ANKS1B: variants seen among roughly 807,000 people sequenced by gnomAD.
ANKS1B encodes the protein ankyrin repeat and sterile alpha motif domain-containing protein 1B.
Under a neutral mutation model 148.3 loss-of-function variants are expected in ANKS1B, and 36 were observed. The observed-to-expected ratio is 0.24, with a 90% CI of 0.19 to 0.32. ANKS1B has a LOEUF of 0.32. Among genes scored for constraint, ANKS1B ranks in the 10% least tolerant of loss-of-function variants. ANKS1B has a pLI of 1.00. For synonymous variants in ANKS1B, 542 were observed against 560.8 expected, an observed-to-expected ratio of 0.97 and a Z score of 0.47; for missense variants, 1,157 against 1,542.6, an observed-to-expected ratio of 0.75 and a Z score of 4.19.
intron 16 of ANKS1B, among the ~76,000 whole-genome samples, chr12:99,057,704 G>C (rs1383390933): frequency 4.6e-5 from 7 of 152,072 alleles, no homozygotes; most frequent in Non-Finnish European, 8.8e-5. Flanking sequence ...TCTCATCAAT[G>C]CTGGCCAATA....
At chr12:99,910,690 G>A (rs1043294015) in intron 1 of ANKS1B, among the ~76,000 whole-genome samples, 1 of 151,334 alleles carries the variant, frequency 6.6e-6, no homozygotes, top group African/African-American at 2.4e-5. Flanking sequence ...ACTTTAAATA[G>A]GTGAACATTA....
intron 10 of ANKS1B, among the ~76,000 whole-genome samples, chr12:99,482,218 T>A (rs1029826808): frequency 1.3e-5 from 2 of 152,012 alleles, no homozygotes; most frequent in African/African-American, 2.4e-5. Context: ...TGGTGAGAGA[T>A]AGGGAACCAG....
At chr12:99,448,831 GAC>G (rs1188908717) in intron 10 of ANKS1B, among the ~76,000 whole-genome samples, 1 of 151,980 alleles carries the variant, frequency 6.6e-6, no homozygotes, top group Admixed American at 6.6e-5. Context: ...GCAGAAAAGG[GAC>G]AGACTATAGG....
intron 16 of ANKS1B, among the ~76,000 whole-genome samples, chr12:99,081,582 G>A (rs1321354918): frequency 3.3e-5 from 5 of 152,148 alleles, no homozygotes; most frequent in South Asian, 2.1e-4. Flanking sequence ...CTCAATGTGC[G>A]TCTGGATGTT....
At chr12:99,703,786 A>G (rs2055268047) in intron 8 of ANKS1B, among the ~76,000 whole-genome samples, 1 of 152,108 alleles carries the variant, frequency 6.6e-6, no homozygotes, top group African/African-American at 2.4e-5. Flanking sequence ...CCACATCTTT[A>G]TATTCCCAGT....
intron 8 of ANKS1B, among the ~76,000 whole-genome samples, chr12:99,738,274 A>G (rs1474914801): frequency 3.3e-5 from 5 of 152,116 alleles, no homozygotes; most frequent in Non-Finnish European, 5.9e-5. Context: ...TACTTATTTT[A>G]TTATTTCCAA....
intron 4 of ANKS1B, among the ~76,000 whole-genome samples, chr12:99,799,068 G>A (rs1340043045): frequency 1.6e-4 from 24 of 151,924 alleles, no homozygotes; most frequent in Non-Finnish European, 1.6e-4. Flanking sequence ...TTTATTCCAC[G>A]CTTTATGAAA....
At chr12:98,884,357 T>C (rs2099730348) in intron 17 of ANKS1B, among the ~76,000 whole-genome samples, 1 of 152,212 alleles carries the variant, frequency 6.6e-6, no homozygotes, top group South Asian at 2.1e-4. Flanking sequence ...TTTCAGACAT[T>C]TGTTGGATTA....
At chr12:99,259,024 A>C (rs2075625014) in intron 12 of ANKS1B, among the ~76,000 whole-genome samples, 1 of 152,192 alleles carries the variant, frequency 6.6e-6, no homozygotes, top group Non-Finnish European at 1.5e-5. Context: ...TGGCATTTGC[A>C]CTGATGAAGA....
intron 12 of ANKS1B, among the ~76,000 whole-genome samples, chr12:99,395,023 T>C (rs901996768): frequency 1.3e-5 from 2 of 152,168 alleles, no homozygotes; most frequent in African/African-American, 4.8e-5. Context: ...CTTCTCATTT[T>C]CTCATATACC....
At chr12:99,098,387 G>T (rs2056896897) in intron 15 of ANKS1B, among the ~76,000 whole-genome samples, 1 of 152,098 alleles carries the variant, frequency 6.6e-6, no homozygotes, top group Non-Finnish European at 1.5e-5. Flanking sequence ...TCTACCCAGG[G>T]ATTGAGGATT....
At chr12:99,293,318 A>T (rs1025093266) in intron 12 of ANKS1B, among the ~76,000 whole-genome samples, 5 of 136,034 alleles carry the variant, frequency 3.7e-5, no homozygotes, top group South Asian at 2.5e-4. Flanking sequence ...ACCTGGACAC[A>T]GGGTGGGGAA....
chr12:99,396,475 G>A (rs1329844236), intron 12 of ANKS1B, among the ~76,000 whole-genome samples: 2 of 152,166 alleles, frequency 1.3e-5, no homozygotes, highest in African/African-American at 4.8e-5. Flanking sequence ...TTTATGTAAT[G>A]TGGAGGTGAT....
intron 17 of ANKS1B, among the ~76,000 whole-genome samples, chr12:98,967,422 A>G (rs925094576): frequency 2.6e-5 from 4 of 151,788 alleles, no homozygotes; most frequent in Non-Finnish European, 5.9e-5. Flanking sequence ...TGAGGTACCC[A>G]TTGCCTCCAT....
intron 26 of ANKS1B, among the ~76,000 whole-genome samples, chr12:98,748,948 C>T (rs1390910328): frequency 1.3e-5 from 2 of 152,178 alleles, no homozygotes; most frequent in Non-Finnish European, 2.9e-5. Flanking sequence ...CTGCAAATTC[C>T]TGGACACTTA....
In ANKS1B at chr12:99,116,129, G is replaced by A. The variant is rs576824948; in HGVS notation, c.2527-31106C>T. Reference sequence around the variant, plus strand: ...GCAAGGATTAGTGAATTTTATGTGCGTAAAGTGCTAGGATAATATCTGACA... The same window carrying A: ...GCAAGGATTAGTGAATTTTATGTGCATAAAGTGCTAGGATAATATCTGACA... On this transcript the variant is annotated intron_variant, in intron 15 of 26. Transcript: ENST00000683438. Among the ~76,000 whole-genome samples the A allele has an allele frequency of 1.3e-4, 20 of 152,152 alleles. 1 individual carries two copies. The highest frequency in any genetic ancestry group is 3.6e-4 in the African/African-American group (15 of 41,528).
chr12:98,827,939 T>C (rs1262678540), intron 19 of ANKS1B, among the ~76,000 whole-genome samples: 1 of 152,024 alleles, frequency 6.6e-6, no homozygotes. Context: ...AGTAACGAAA[T>C]AAATGAAAAG....
intron 16 of ANKS1B, among the ~76,000 whole-genome samples, chr12:99,064,475 G>T (rs2043428315): frequency 6.6e-6 from 1 of 152,170 alleles, no homozygotes; most frequent in Non-Finnish European, 1.5e-5. Flanking sequence ...AGGGATAGGG[G>T]CACGCCCTCT....
chr12:99,893,663 T>C (rs2093239806), intron 1 of ANKS1B, among the ~76,000 whole-genome samples: 1 of 152,192 alleles, frequency 6.6e-6, no homozygotes, highest in Admixed American at 6.5e-5. Context: ...TCTGTAAAAA[T>C]GGTGTCTATT....
Sources: allele counts gnomAD v4.1 joint callset (sites outside exome capture counted in the v4.1 genomes callset), GRCh38; gene constraint gnomAD v4.1.1; transcripts MANE v1.5; gene names NCBI Gene and HGNC (gene_info 2026-07-23, HGNC 2026-07-21).